The following METTL15 variants were observed in gnomAD, a reference collection of about 807,000 sequenced individuals.
METTL15 encodes 12S rRNA N(4)-cytidine methyltransferase METTL15.
METTL15 carries 34 observed loss-of-function variants against 38.3 expected under a neutral mutation model. That is an observed-to-expected ratio of 0.89 (90% CI 0.68 to 1.18). The LOEUF (loss-of-function observed/expected upper bound fraction) is 1.18. Ranked by LOEUF, METTL15 falls within the 50% of genes most tolerant of loss-of-function variation. The pLI, the probability that METTL15 is intolerant of heterozygous loss-of-function variation, is 0.00. For synonymous variants in METTL15, 162 were observed against 170.9 expected, an observed-to-expected ratio of 0.95 and a Z score of 0.41; for missense variants, 438 against 498.4, an observed-to-expected ratio of 0.88 and a Z score of 1.15.
chr11:28,468,312 A>G (rs888950435), intron 6 of METTL15, among the ~76,000 whole-genome samples: 3 of 152,158 alleles, frequency 2.0e-5, no homozygotes, highest in Non-Finnish European at 4.4e-5. Flanking sequence ...GTTGAGGGTA[A>G]CTCCCAGGAA....
At chr11:28,202,289 G>T (rs996865737) in intron 3 of METTL15, among the ~76,000 whole-genome samples, 2 of 152,036 alleles carry the variant, frequency 1.3e-5, no homozygotes, top group African/African-American at 4.8e-5. Flanking sequence ...ATATGGGAGA[G>T]TGAGAAGATA....
chr11:28,511,513 C>T (rs1372865266), intron 6 of METTL15, among the ~76,000 whole-genome samples: 1 of 152,066 alleles, frequency 6.6e-6, no homozygotes, highest in African/African-American at 2.4e-5. Context: ...GGTGGCGTGT[C>T]CGGAGTTTGT....
intron 3 of METTL15, among the ~76,000 whole-genome samples, chr11:28,194,126 T>A (rs186813966): frequency 9.3e-6 from 1 of 107,052 alleles, no homozygotes; most frequent in African/African-American, 3.7e-5. Flanking sequence ...TGGTTGATCT[T>A]TCTTTCTTTC....
intron 4 of METTL15, among the ~76,000 whole-genome samples, chr11:28,258,853 A>G (rs1327791588): frequency 1.3e-5 from 2 of 152,116 alleles, no homozygotes; most frequent in Non-Finnish European, 2.9e-5. Context: ...TTAAGAGCCT[A>G]CTTGCTACTC....
intron 6 of METTL15, among the ~76,000 whole-genome samples, chr11:28,490,371 T>C (rs1240777741): frequency 6.6e-6 from 1 of 152,106 alleles, no homozygotes; most frequent in Admixed American, 6.6e-5. Context: ...CATTGATTTT[T>C]CCCCAAATCT....
chr11:28,176,489 C>T (rs916893379), intron 3 of METTL15, among the ~76,000 whole-genome samples: 6 of 152,132 alleles, frequency 3.9e-5, no homozygotes, highest in Non-Finnish European at 8.8e-5. Context: ...TACCAGTTTC[C>T]TCATCTATAA....
At chr11:28,416,080 T>TC (rs1157612324) in intron 5 of METTL15, among the ~76,000 whole-genome samples, 6 of 152,226 alleles carry the variant, frequency 3.9e-5, no homozygotes, top group Non-Finnish European at 8.8e-5. Flanking sequence ...AAAGTCCAGA[T>TC]TGACTTTACA....
At chr11:28,206,594 G>A (rs1193011658) in intron 3 of METTL15, among the ~76,000 whole-genome samples, 2 of 146,852 alleles carry the variant, frequency 1.4e-5, no homozygotes, top group African/African-American at 5.1e-5. Context: ...AATGCGGGCT[G>A]TTTTCTGGTT....
At chr11:28,191,034 T>C (rs545009781) in intron 3 of METTL15, among the ~76,000 whole-genome samples, 111 of 151,472 alleles carry the variant, frequency 7.3e-4, no homozygotes, top group African/African-American at 2.4e-3. Context: ...GTGTATCTCC[T>C]AGAAGGCAAA....
chr11:28,285,929 G>A (rs1856243197), intron 4 of METTL15, among the ~76,000 whole-genome samples: 2 of 151,944 alleles, frequency 1.3e-5, no homozygotes, highest in South Asian at 4.2e-4. Context: ...AATTATAGTG[G>A]GCCATTGGGA....
intron 5 of METTL15, among the ~76,000 whole-genome samples, chr11:28,390,480 T>C (rs931388653): frequency 1.3e-5 from 2 of 152,174 alleles, no homozygotes; most frequent in African/African-American, 4.8e-5. Context: ...ATTTATTAAA[T>C]AGGGAATCCT....
intron 5 of METTL15, among the ~76,000 whole-genome samples, chr11:28,404,635 G>C (rs796863744): frequency 3.3e-5 from 5 of 152,084 alleles, no homozygotes; most frequent in African/African-American, 1.2e-4. Context: ...CATTTTGAGG[G>C]GACACAAATA....
chr11:28,137,058 C>G (rs1849538794), intron 3 of METTL15, among the ~76,000 whole-genome samples: 1 of 151,824 alleles, frequency 6.6e-6, no homozygotes, highest in Non-Finnish European at 1.5e-5. Flanking sequence ...AATTTTTATC[C>G]AATCTTAGCC....
chr11:28,245,762 G>A (rs915880644), intron 4 of METTL15, among the ~76,000 whole-genome samples: 12 of 152,128 alleles, frequency 7.9e-5, no homozygotes, highest in Admixed American at 1.3e-4. Flanking sequence ...CAGTCATGGC[G>A]AAAGGTGAAG....
At chr11:28,378,098 GCTGT>G (rs1291448505) in intron 5 of METTL15, among the ~76,000 whole-genome samples, 1 of 152,106 alleles carries the variant, frequency 6.6e-6, no homozygotes, top group Non-Finnish European at 1.5e-5. Context: ...AGAGGTTACT[GCTGT>G]CTTTTTGTTT....
chr11:28,290,072 A>G, intron 4 of METTL15, 134 bp from the exon 5 acceptor site: 2 of 730,828 alleles, frequency 2.7e-6, no homozygotes, highest in Non-Finnish European at 4.2e-6. Flanking sequence ...TCTTTATACA[A>G]CACTAAGCAC....
intron 5 of METTL15, among the ~76,000 whole-genome samples, chr11:28,392,503 C>A (rs1443852834): frequency 6.6e-6 from 1 of 151,944 alleles, no homozygotes; most frequent in Non-Finnish European, 1.5e-5. Flanking sequence ...GTCTCTTCAA[C>A]AAATGATATA....
chr11:28,484,325 C>A (rs1331666614), intron 6 of METTL15, among the ~76,000 whole-genome samples: 3 of 152,120 alleles, frequency 2.0e-5, no homozygotes, highest in Admixed American at 1.3e-4. Context: ...GGAATATGGA[C>A]GTAGGCAGTC....
chr11:28,184,360 A>G (rs1283964118), intron 3 of METTL15, among the ~76,000 whole-genome samples: 2 of 151,818 alleles, frequency 1.3e-5, no homozygotes, highest in Non-Finnish European at 2.9e-5. Context: ...TTAGAGTGTC[A>G]ATTTTAGATC....
Sources: gnomAD v4.1 joint callset for allele counts (sites outside exome capture counted in the v4.1 genomes callset) on GRCh38, gnomAD v4.1.1 for gene constraint, MANE v1.5 for transcripts, NCBI Gene and HGNC (gene_info 2026-07-23, HGNC 2026-07-21) for gene names.